CYP51A1: variants seen among roughly 807,000 people sequenced by gnomAD.
CYP51A1 encodes the protein lanosterol 14-alpha demethylase.
A neutral mutation model predicts 53.5 loss-of-function variants in CYP51A1; 45 were observed. That is an observed-to-expected ratio of 0.84 (90% CI 0.66 to 1.08). The LOEUF is 1.08. Ranked by LOEUF, CYP51A1 falls within the 50% of genes least tolerant of loss-of-function variation. The pLI, the probability that CYP51A1 is intolerant of heterozygous loss-of-function variation, is 0.00. For missense variants in CYP51A1, 462 were observed against 621.7 expected, an observed-to-expected ratio of 0.74 and a Z score of 2.73; for synonymous variants, 181 against 217.7, an observed-to-expected ratio of 0.83 and a Z score of 1.48.
chr7:92,124,306 T>G (rs1250629656), intron 5 of CYP51A1, among the ~76,000 whole-genome samples: 1 of 152,192 alleles, frequency 6.6e-6, no homozygotes, highest in East Asian at 1.9e-4. Context: ...ATACAATAGT[T>G]TTTTGTAGGG....
At position 92,126,277 on chromosome 7, in the gene CYP51A1, C is replaced by T. The variant is rs758856613; in HGVS notation, c.746G>A (p.Gly249Asp). The change falls in exon 5 of 10, where the codon GGT (glycine) becomes GAT (aspartate). Residue 249 changes from glycine (G) to aspartate (D), a missense_variant. Gly to Asp is a moderately conservative substitution (Grantham distance 94, BLOSUM62 -1). Transcript: ENST00000003100. Reference protein sequence around the residue: ...GFSHAAWLLPGWLPLPSFRRR... With the variant: ...GFSHAAWLLPDWLPLPSFRRR... ...CCTGAAACTAGGCAAAGGCAGCCAA[C>T]CTGGTAAGAGCCAGGCTGCATGGCT... 2 of 1,604,544 alleles carry T rather than the reference C, an allele frequency of 1.2e-6. No individual in the cohort carries two copies. Among genetic ancestry groups the T allele is most frequent in the East Asian group, 2.2e-5 (1 of 44,810 alleles).
At chr7:92,128,342 T>C (rs766507085) in intron 3 of CYP51A1, among the ~76,000 whole-genome samples, 12 of 151,746 alleles carry the variant, frequency 7.9e-5, no homozygotes, top group Non-Finnish European at 1.5e-4. Flanking sequence ...CAGTTATCCA[T>C]GGCCTTTCTT....
intron 9 of CYP51A1, among the ~76,000 whole-genome samples, chr7:92,115,113 T>G (rs1819557632): frequency 6.6e-6 from 1 of 152,122 alleles, no homozygotes; most frequent in Non-Finnish European, 1.5e-5. Context: ...ATTCACAAAA[T>G]GTAATATTAT....
chr7:92,120,904 T>C (rs941596546), intron 7 of CYP51A1, among the ~76,000 whole-genome samples: 44 of 152,062 alleles, frequency 2.9e-4, no homozygotes, highest in African/African-American at 9.9e-4. Context: ...GAACAGGATG[T>C]GAGCAGACAT....
intron 1 of CYP51A1, 96 bp from the exon 2 acceptor site, chr7:92,131,968 T>G (rs1039800005): frequency 2.9e-6 from 2 of 692,784 alleles, no homozygotes; most frequent in African/African-American, 5.1e-5. Flanking sequence ...AAAATAGCTA[T>G]TAAGACTTCA....
At position 92,118,554 on chromosome 7, in the gene CYP51A1, A is replaced by G; in HGVS notation, c.1148T>C (p.Ile383Thr). Residue 383 changes from isoleucine (I) to threonine (T), a missense_variant, in exon 8 of 10, where the codon ATA becomes ACA. By Grantham distance (89) the Ile-to-Thr change is moderately conservative. Transcript: ENST00000003100. ...IKETLRLRPPIMIMMRMARTP... is the reference protein window; with the variant it reads ...IKETLRLRPPTMIMMRMARTP... ...TCTGGCCATTCTCATCATGATCATT[A>G]TAGGAGGTCTAAGTCTTAATGTTTC... 1 of 1,599,954 alleles carries G rather than the reference A, an allele frequency of 6.3e-7. No homozygotes were observed.
At chr7:92,131,744 T>G (rs1365448899) in intron 2 of CYP51A1, 30 bp downstream of exon 2, 1 of 1,215,470 alleles carries the variant, frequency 8.2e-7, no homozygotes, top group Non-Finnish European at 1.2e-6. Flanking sequence ...TTGTTTTTTT[T>G]TTTTTCCTCT....
In CYP51A1 at chr7:92,117,131, C is replaced by T. The variant is rs1819594616; in HGVS notation, c.1264G>A (p.Val422Ile). The T allele has an allele frequency of 6.2e-7, 1 of 1,613,968 alleles. No homozygotes were observed. The highest frequency in any genetic ancestry group is 1.3e-5 in the African/African-American group (1 of 74,920). The change falls in exon 9 of 10, where the codon GTA (valine) becomes ATA (isoleucine). Residue 422 changes from valine to isoleucine, a missense_variant. By Grantham distance (29) the Val-to-Ile change is conservative. Transcript: ENST00000003100. Reference sequence around the variant, plus strand: ...TCAGGATTAAAGTCCAGGCGTTCTACCCATGAGTCTTTAAGTCTTTGATTG... The same window carrying T: ...TCAGGATTAAAGTCCAGGCGTTCTATCCATGAGTCTTTAAGTCTTTGATTG... ...TVNQRLKDSWVERLDFNPDRY... is the reference protein window; with the variant it reads ...TVNQRLKDSWIERLDFNPDRY...
intron 5 of CYP51A1, among the ~76,000 whole-genome samples, chr7:92,125,144 C>CA (rs1232943204): frequency 0.26 from 17,410 of 66,646 alleles, 2,000 homozygotes; most frequent in African/African-American, 0.42. Flanking sequence ...ACTCCATCAC[C>CA]AAAAAAAAAA....
At chr7:92,115,879 A>G (rs1309789835) in intron 9 of CYP51A1, among the ~76,000 whole-genome samples, 1 of 152,244 alleles carries the variant, frequency 6.6e-6, no homozygotes, top group Non-Finnish European at 1.5e-5. Context: ...CATTTCTAGT[A>G]AAGTTCAAGT....
intron 9 of CYP51A1, among the ~76,000 whole-genome samples, chr7:92,115,150 CATAA>C (rs1275771023): frequency 6.6e-6 from 1 of 152,080 alleles, no homozygotes; most frequent in East Asian, 1.9e-4. Context: ...TATGCACCAA[CATAA>C]ATAAACAGCA....
At chr7:92,117,988 CAAA>C (rs5885800) in intron 8 of CYP51A1, among the ~76,000 whole-genome samples, 1 of 113,936 alleles carries the variant, frequency 8.8e-6, no homozygotes, top group African/African-American at 3.7e-5. Flanking sequence ...AATGCCGTCT[CAAA>C]AAAAAAAAAA....
intron 2 of CYP51A1, 87 bp downstream of exon 2, chr7:92,131,687 A>T: frequency 1.4e-6 from 1 of 701,508 alleles, no homozygotes; most frequent in Non-Finnish European, 2.4e-6. Flanking sequence ...CAATGTTTTT[A>T]AATGTTCTGC....
chr7:92,113,439 C>A lies in CYP51A1; in HGVS notation c.*226G>T. 1 of 436,510 alleles carries A rather than the reference C, an allele frequency of 2.3e-6. No homozygotes were observed. Among genetic ancestry groups the A allele is most frequent in the Non-Finnish European group, 4.0e-6 (1 of 249,358 alleles). The allele number at this position is 436,510 out of a possible 1,614,324, so 27.0% of individuals were successfully genotyped here. A position where few individuals can be genotyped will look rare whatever the true frequency, so the allele number is the denominator to read the frequency against. ...CAACAATTGTTTCACCAAGGAACTTCCTGAAAGCACATGTATAAGTATCAT... is the reference window on the plus strand; with the variant it reads ...CAACAATTGTTTCACCAAGGAACTTACTGAAAGCACATGTATAAGTATCAT... On this transcript the variant is annotated 3_prime_UTR_variant, in exon 10 of 10. Coordinates refer to ENST00000003100, the MANE Select transcript of CYP51A1 (RefSeq NM_000786.4).
At chr7:92,123,593 C>A in intron 6 of CYP51A1, 141 bp downstream of exon 6, 1 of 830,754 alleles carries the variant, frequency 1.2e-6, no homozygotes, top group East Asian at 2.7e-5. Context: ...GTTTATGTCT[C>A]AACAATTTAA....
chr7:92,122,006 CAAGAAT>C (rs1418267078), intron 7 of CYP51A1, among the ~76,000 whole-genome samples: 1 of 151,968 alleles, frequency 6.6e-6, no homozygotes, highest in African/African-American at 2.4e-5. Context: ...TTACTAAAAA[CAAGAAT>C]GAGTGTTGAG....
rs1230552413 is a variant in CYP51A1 at position 92,113,180 on chromosome 7, AGATGTTC to A, written c.*478_*484del. On this transcript the variant is annotated 3_prime_UTR_variant, in exon 10 of 10. Coordinates refer to ENST00000003100, the MANE Select transcript of CYP51A1 (RefSeq NM_000786.4). ...TTAGTATTCTCTTATTCAAGGCTTT[AGATGTTC>A]GATTATTCCCTACCCTTCCATCCTC... The A allele has an allele frequency of 6.5e-6, 1 of 152,704 alleles. No individual in the cohort carries two copies. The highest frequency in any genetic ancestry group is 2.4e-5 in the African/African-American group (1 of 41,432). The allele number at this position is 152,704 out of a possible 1,614,324, so 9.5% of individuals were successfully genotyped here. A position where few individuals can be genotyped will look rare whatever the true frequency, so the allele number is the denominator to read the frequency against.
At chr7:92,133,676 G>T (rs1413755202) in intron 1 of CYP51A1, among the ~76,000 whole-genome samples, 1 of 152,090 alleles carries the variant, frequency 6.6e-6, no homozygotes, top group African/African-American at 2.4e-5. Context: ...CCACCATTAG[G>T]GGCACTGCTA....
chr7:92,132,990 G>T (rs1021570837), intron 1 of CYP51A1, among the ~76,000 whole-genome samples: 3 of 152,116 alleles, frequency 2.0e-5, no homozygotes, highest in African/African-American at 7.2e-5. Flanking sequence ...AACACTAAAA[G>T]TAACTTTGTC....
Sources: gnomAD v4.1 joint callset for allele counts (sites outside exome capture counted in the v4.1 genomes callset) on GRCh38, gnomAD v4.1.1 for gene constraint, MANE v1.5 for transcripts, NCBI Gene and HGNC (gene_info 2026-07-23, HGNC 2026-07-21) for gene names.